RYR3: variants seen among roughly 807,000 people sequenced by gnomAD.
RYR3 encodes ryanodine receptor 3.
A neutral mutation model predicts 584.3 loss-of-function variants in RYR3; 207 were observed. The ratio of observed to expected loss-of-function variants is 0.35; its 90% CI spans 0.32 to 0.40. The LOEUF is 0.40. RYR3 is among the 10% of genes least tolerant of loss of function. RYR3 has a pLI of 1.00. For missense variants in RYR3, 5,616 were observed against 6,089.2 expected (o/e 0.92, Z 2.59); for synonymous variants, 2,416 against 2,248.5 (o/e 1.07, Z -2.11).
chr15:33,550,413 C>T, intron 10 of RYR3, 97 bp downstream of exon 10: 1 of 1,263,342 alleles, frequency 7.9e-7, no homozygotes, highest in African/African-American at 1.5e-5. Flanking sequence ...TAGGCTGGAA[C>T]AAAGTGAAAT....
chr15:33,448,518 C>A (rs191601218), intron 1 of RYR3, among the ~76,000 whole-genome samples: 58 of 152,216 alleles, frequency 3.8e-4, no homozygotes, highest in Admixed American at 3.7e-3. Flanking sequence ...AAAGGCAAAG[C>A]CTTGAGAGCG....
At chr15:33,848,518 C>G (rs1374771767) in intron 94 of RYR3, 97 bp downstream of exon 94, 4 of 1,405,684 alleles carry the variant, frequency 2.8e-6, no homozygotes, top group Middle Eastern at 2.6e-4. Flanking sequence ...TTAATATAAA[C>G]TGTCTTTTGA....
At chr15:33,511,136 T>A (rs940882710) in intron 3 of RYR3, among the ~76,000 whole-genome samples, 4 of 152,064 alleles carry the variant, frequency 2.6e-5, no homozygotes, top group African/African-American at 9.7e-5. Context: ...ATTTTTTTTT[T>A]AAATGTTAGT....
At chr15:33,444,131 A>AT (rs940274489) in intron 1 of RYR3, among the ~76,000 whole-genome samples, 6 of 151,992 alleles carry the variant, frequency 3.9e-5, no homozygotes, top group African/African-American at 1.4e-4. Flanking sequence ...TTTTGGTGGG[A>AT]TTTTTTTTCT....
At chr15:33,454,528 C>T (rs555355777) in intron 1 of RYR3, among the ~76,000 whole-genome samples, 32 of 152,230 alleles carry the variant, frequency 2.1e-4, no homozygotes, top group South Asian at 6.2e-4. Flanking sequence ...ATCCTCGGCA[C>T]GGAGATGAGT....
chr15:33,772,672 C>T (rs1336427405), intron 63 of RYR3, among the ~76,000 whole-genome samples: 1 of 152,184 alleles, frequency 6.6e-6, no homozygotes, highest in Non-Finnish European at 1.5e-5. Flanking sequence ...CTCCAGCCCC[C>T]TGTGCAGATA....
At chr15:33,695,542 C>T (rs998028418) in intron 38 of RYR3, among the ~76,000 whole-genome samples, 2 of 151,988 alleles carry the variant, frequency 1.3e-5, no homozygotes, top group Admixed American at 6.6e-5. Flanking sequence ...TGACTCTTGC[C>T]AAAGATCCAG....
chr15:33,536,729 G>A (rs1004927011), intron 5 of RYR3, among the ~76,000 whole-genome samples: 1 of 152,184 alleles, frequency 6.6e-6, no homozygotes, highest in Non-Finnish European at 1.5e-5. Context: ...AATTGAAGTA[G>A]TACTCACACA....
In RYR3 at chr15:33,692,115, C is replaced by G. The variant is rs138406960; in HGVS notation, c.5861-4103C>G. On this transcript the variant is annotated intron_variant, in intron 38 of 103. Coordinates refer to ENST00000634891, the MANE Select transcript of RYR3 (RefSeq NM_001036.6). The stretch of plus-strand genomic sequence containing the variant: ...CATCCATGGTTATATGCATTAATTA[C>G]TTTAATCATCAGATATACAGGTATA... Among the ~76,000 whole-genome samples, 436 of 152,284 alleles carry G rather than the reference C, an allele frequency of 2.9e-3. 4 individuals are homozygous for G. The highest frequency in any genetic ancestry group is 9.8e-3 in the African/African-American group (408 of 41,554).
At chr15:33,361,760 G>A (rs147329145) in intron 1 of RYR3, among the ~76,000 whole-genome samples, 2 of 152,350 alleles carry the variant, frequency 1.3e-5, no homozygotes, top group Admixed American at 1.3e-4. Flanking sequence ...AAAACCTAGT[G>A]CGTGAGGAGT....
At position 33,763,904 on chromosome 15, in the gene RYR3, A is replaced by AAAAAAAAAAAAAAAAAC. The variant is rs1567121773; in HGVS notation, c.8706-4742_8706-4741insAAAACAAAAAAAAAAAA. Among the ~76,000 whole-genome samples, 153 of 130,612 alleles carry AAAAAAAAAAAAAAAAAC rather than the reference A, an allele frequency of 1.2e-3. 1 individual carries two copies. The highest frequency in any genetic ancestry group is 4.7e-3 in the African/African-American group (144 of 30,528). 85.7% of individuals were successfully genotyped at this position (130,612 alleles called of 152,430 possible). A position where few individuals can be genotyped will look rare whatever the true frequency, so the allele number is the denominator to read the frequency against. On this transcript the variant is annotated intron_variant, in intron 60 of 103. Coordinates refer to ENST00000634891, the MANE Select transcript of RYR3 (RefSeq NM_001036.6). ...CGAGACTTCATCTCAAAAAAAAAAA[A>AAAAAAAAAAAAAAAAAC]AAAAAAAAAAAATCAGGAAACAACA...
At chr15:33,338,407 AG>A (rs1456893882) in intron 1 of RYR3, among the ~76,000 whole-genome samples, 1 of 152,186 alleles carries the variant, frequency 6.6e-6, no homozygotes, top group Non-Finnish European at 1.5e-5. Context: ...ATGACATAAA[AG>A]GGGCAGAGGA....
chr15:33,677,823 G>A (rs772857816), intron 38 of RYR3, among the ~76,000 whole-genome samples: 3 of 152,148 alleles, frequency 2.0e-5, no homozygotes, highest in African/African-American at 4.8e-5. Flanking sequence ...CACCTGTCAC[G>A]AGCCTATCTA....
rs751138433 is a variant in RYR3, at chr15:33,662,513, C to A, written c.4983C>A (p.Leu1661=). ...CTGGGGTGGGCCTGAGAACATGTCT[C>A]AAGCCCGGGTTCAGGTTCTCCACCC... ...GLPGVGLRTC[L]KPGFRFSTPC... The change falls in exon 35 of 104, where the codon CTC becomes CTA. Residue 1661 remains leucine, a synonymous_variant. Transcript: ENST00000634891. The A allele has an allele frequency of 6.2e-7, 1 of 1,614,018 alleles. No homozygotes were observed. The highest frequency in any genetic ancestry group is 8.5e-7 in the Non-Finnish European group (1 of 1,179,900).
intron 40 of RYR3, among the ~76,000 whole-genome samples, 173 bp downstream of exon 40, chr15:33,698,169 GA>G (rs1194779907): frequency 1.3e-5 from 2 of 152,190 alleles, no homozygotes; most frequent in Non-Finnish European, 2.9e-5. Context: ...CTGCTGGACG[GA>G]ATCCCATTGT....
chr15:33,839,960 C>A (rs2078257268), intron 89 of RYR3, among the ~76,000 whole-genome samples: 1 of 152,138 alleles, frequency 6.6e-6, no homozygotes, highest in Admixed American at 6.5e-5. Flanking sequence ...AGCCTGTGTT[C>A]TAGGATACAG....
chr15:33,845,980 C>G (rs1408457932), intron 93 of RYR3, among the ~76,000 whole-genome samples: 1 of 152,230 alleles, frequency 6.6e-6, no homozygotes, highest in Non-Finnish European at 1.5e-5. Flanking sequence ...CATCTGCGAG[C>G]TCAGCTGGGC....
At chr15:33,854,482 T>A in intron 97 of RYR3, 33 bp downstream of exon 97, 1 of 1,522,874 alleles carries the variant, frequency 6.6e-7, no homozygotes, top group Non-Finnish European at 8.9e-7. Context: ...CAAAATTCTA[T>A]ACCCCAGTTC....
chr15:33,822,881 C>A, intron 80 of RYR3, 115 bp from the exon 81 acceptor site: 1 of 730,062 alleles, frequency 1.4e-6, no homozygotes, highest in South Asian at 2.2e-5. Flanking sequence ...ACTCTGATTC[C>A]ATAAGCAGAG....
Sources: allele counts gnomAD v4.1 joint callset (sites outside exome capture counted in the v4.1 genomes callset), GRCh38; gene constraint gnomAD v4.1.1; transcripts MANE v1.5; gene names NCBI Gene and HGNC (gene_info 2026-07-23, HGNC 2026-07-21).